The following TTYH2 variants were observed in gnomAD, a reference collection of about 807,000 sequenced individuals.
The protein encoded by TTYH2 is tweety family member 2, also known as protein tweety homolog 2.
In TTYH2, 49 loss-of-function variants were observed where a neutral mutation model predicts 68.3. The ratio of observed to expected loss-of-function variants is 0.72; its 90% confidence interval spans 0.57 to 0.91. The LOEUF (loss-of-function observed/expected upper bound fraction) is 0.91. TTYH2 is among the 40% of genes least tolerant of loss of function. TTYH2 has a pLI of 0.00. For missense variants in TTYH2, 631 were observed against 700.4 expected (o/e 0.90, Z 1.12); for synonymous variants, 272 against 300.8 (o/e 0.90, Z 0.99).
Position 74,250,371 on chromosome 17 carries a change from C to G in TTYH2, c.1116+14C>G, listed in dbSNP as rs1200088683. ...GGGCTGCACAAGGTGCATGGGGACC[C>G]TGGGGTCACGTGGAGAGTGTGAGGG... On this transcript the variant is annotated intron_variant, in intron 10 of 13. Transcript: ENST00000269346. 2 of 1,609,494 alleles carry G rather than the reference C, an allele frequency of 1.2e-6. No homozygotes were observed. Among genetic ancestry groups the G allele is most frequent in the South Asian group, 2.2e-5 (2 of 90,410 alleles).
At position 74,250,373 on chromosome 17, in the gene TTYH2, G is replaced by A. The variant is rs764690950; in HGVS notation, c.1116+16G>A. On this transcript the variant is annotated intron_variant, in intron 10 of 13. Transcript: ENST00000269346. ...GCTGCACAAGGTGCATGGGGACCCTGGGGTCACGTGGAGAGTGTGAGGGCA... is the reference window on the plus strand; with the variant it reads ...GCTGCACAAGGTGCATGGGGACCCTAGGGTCACGTGGAGAGTGTGAGGGCA... The A allele has an allele frequency of 9.3e-6, 15 of 1,607,450 alleles. No homozygotes were observed. The Admixed American group carries it at 2.0e-4, about 22-fold the overall frequency.
At chr17:74,255,051 G>C (rs2050679346) in intron 13 of TTYH2, among the ~76,000 whole-genome samples, 1 of 152,230 alleles carries the variant, frequency 6.6e-6, no homozygotes, top group Non-Finnish European at 1.5e-5. Flanking sequence ...GAGAAGGAAA[G>C]ACTATGCTGT....
At chr17:74,247,389 C>A (rs1411613534) in intron 6 of TTYH2, among the ~76,000 whole-genome samples, 1 of 152,124 alleles carries the variant, frequency 6.6e-6, no homozygotes, top group Non-Finnish European at 1.5e-5. Context: ...CACACAGGTG[C>A]TTGTCTTCAT....
chr17:74,219,867 C>T (rs115995482), intron 1 of TTYH2, among the ~76,000 whole-genome samples: 1,554 of 151,962 alleles, frequency 0.01, 26 homozygotes, highest in African/African-American at 0.035. Context: ...TGTGAAGCTG[C>T]TGTGAACATT....
At chr17:74,236,990 G>A (rs1052461891) in intron 3 of TTYH2, among the ~76,000 whole-genome samples, 5 of 150,742 alleles carry the variant, frequency 3.3e-5, no homozygotes, top group South Asian at 2.1e-4. Context: ...TCCGCCTCCC[G>A]GGTCCAAGTG....
intron 10 of TTYH2, among the ~76,000 whole-genome samples, chr17:74,251,303 A>C (rs2050624506): frequency 7.5e-6 from 1 of 132,938 alleles, no homozygotes; most frequent in African/African-American, 2.9e-5. Context: ...GTGTGTGTGC[A>C]TGTGTGTTGT....
Position 74,237,494 on chromosome 17 carries a change from T to C in TTYH2, c.615T>C (p.Thr205=). Residue 205 remains threonine (T), a synonymous_variant, in exon 4 of 14, where the codon ACT becomes ACC. Transcript: ENST00000269346. ...TMELTKLSDQ[T]GYVEYYRWLS... ...AGCTGACCAAGCTATCCGACCAGAC[T>C]GGCTACGTGGAGTACTACAGGTGAA... The C allele has an allele frequency of 6.2e-7, 1 of 1,612,644 alleles. No homozygotes were observed. Among genetic ancestry groups the C allele is most frequent in the Middle Eastern group, 1.7e-4 (1 of 6,052 alleles).
chr17:74,232,671 C>T lies in TTYH2; in HGVS notation c.414+1672C>T, dbSNP rs1169188815. 1.3e-5 allele frequency among the ~76,000 whole-genome samples: 2 copies of T among 152,194 alleles called. No homozygotes were observed. Among genetic ancestry groups the T allele is most frequent in the African/African-American group, 2.4e-5 (1 of 41,456 alleles). On this transcript the variant is annotated intron_variant, in intron 3 of 13. Transcript: ENST00000269346. The surrounding 1 kb of genome is among the most constrained non-coding windows in gnomAD (Gnocchi z 5.1). ...CCCTCCCTGCCATCCTGCTGCCTGCCTCCTCTTCACCCACCAGCACCAGGA... is the reference window on the plus strand; with the variant it reads ...CCCTCCCTGCCATCCTGCTGCCTGCTTCCTCTTCACCCACCAGCACCAGGA...
At position 74,232,739 on chromosome 17, in the gene TTYH2, C is replaced by T. The variant is rs548164373; in HGVS notation, c.414+1740C>T. ...TAGCCCCGAGAGGAAAATCCCCTGC[C>T]CTGCCCAGGAAGGCACCAGGGCCAT... On this transcript the variant is annotated intron_variant, in intron 3 of 13. Transcript: ENST00000269346. The surrounding 1 kb of genome is among the most constrained non-coding windows in gnomAD (Gnocchi z 5.1). Among the ~76,000 whole-genome samples, 3 of 152,200 alleles carry T rather than the reference C, an allele frequency of 2.0e-5. No homozygotes were observed. In the South Asian group the frequency reaches 6.2e-4, roughly 32 times the overall value.
Position 74,261,821 on chromosome 17 carries a change from C to A in TTYH2, c.*1612C>A, listed in dbSNP as rs911820447. 6.6e-6 allele frequency: 1 copy of A among 152,274 alleles called. No homozygotes were observed. Among genetic ancestry groups the A allele is most frequent in the Non-Finnish European group, 1.5e-5 (1 of 68,024 alleles). 9.4% of individuals were successfully genotyped at this position (152,274 alleles called of 1,614,324 possible). On this transcript the variant is annotated 3_prime_UTR_variant, in exon 14 of 14. Transcript: ENST00000269346. ...ATGCCATAAACTCACTTTGGTATAT[C>A]CGCGTCACATGCAGAGAGGAACTCT...
At chr17:74,253,973 G>T in intron 13 of TTYH2, 140 bp downstream of exon 13, 1 of 820,884 alleles carries the variant, frequency 1.2e-6, no homozygotes. Context: ...AGACCGTCGT[G>T]GGTATCCCAG....
intron 2 of TTYH2, among the ~76,000 whole-genome samples, chr17:74,229,065 AG>A (rs1385920885): frequency 6.6e-6 from 1 of 152,172 alleles, no homozygotes; most frequent in East Asian, 1.9e-4. Context: ...TTAAGGAGGC[AG>A]GTGTCAGCTC....
At position 74,215,170 on chromosome 17, in the gene TTYH2, C is replaced by CGTGTGTGT. The variant is rs5822029; in HGVS notation, c.129+1481_129+1488dup. On this transcript the variant is annotated intron_variant, in intron 1 of 13. Transcript: ENST00000269346. This position sits in a 1 kb window ranked among gnomAD's most constrained non-coding sequence, Gnocchi z 4.3. ...AGGCGGATATGATTTCAGAAACAGC[C>CGTGTGTGT]GTGTGTGTGTGTGTGTGTGTGTGTG... Among the ~76,000 whole-genome samples, 3,212 of 147,450 alleles carry CGTGTGTGT rather than the reference C, an allele frequency of 0.022. 106 individuals carry two copies. The highest frequency in any genetic ancestry group is 0.07 in the African/African-American group (2,783 of 39,880).
chr17:74,215,824 T>G lies in TTYH2; in HGVS notation c.129+2108T>G. 1.8e-6 allele frequency: 2 copies of G among 1,101,034 alleles called. No individual in the cohort carries two copies. The highest frequency in any genetic ancestry group is 4.1e-5 in the Admixed American group (2 of 48,574). 68.2% of individuals were successfully genotyped at this position (1,101,034 alleles called of 1,614,324 possible). On this transcript the variant is annotated intron_variant, in intron 1 of 13. Transcript: ENST00000269346. The surrounding 1 kb of genome is among the most constrained non-coding windows in gnomAD (Gnocchi z 4.3). ...TCGGTCATCCCAGTCTTCAGCAAGC[T>G]TGACTGGAGCAAGTGCTATGCCAGG...
intron 6 of TTYH2, 117 bp downstream of exon 6, chr17:74,244,166 C>T: frequency 9.9e-7 from 1 of 1,013,910 alleles, no homozygotes; most frequent in Non-Finnish European, 1.5e-6. Context: ...CCCAGAATCT[C>T]AGAACCAAAG....
Position 74,244,067 on chromosome 17 carries a change from G to GT in TTYH2, c.804+19dup, listed in dbSNP as rs1250221928. ...CGGCAGTGGTGAGTTGGGGGAGGGAGTGGGTGGTGGGTGGTGGTTGGTCTG... is the reference window on the plus strand; with the variant it reads ...CGGCAGTGGTGAGTTGGGGGAGGGAGTTGGGTGGTGGGTGGTGGTTGGTCTG... On this transcript the variant is annotated intron_variant, in intron 6 of 13. Coordinates refer to ENST00000269346, the MANE Select transcript of TTYH2 (RefSeq NM_032646.6). The GT allele has an allele frequency of 5.0e-6, 8 of 1,605,486 alleles. No homozygotes were observed. Among genetic ancestry groups the GT allele is most frequent in the Non-Finnish European group, 6.8e-6 (8 of 1,177,256 alleles).
intron 3 of TTYH2, among the ~76,000 whole-genome samples, chr17:74,234,459 G>T (rs1193412264): frequency 2.0e-5 from 3 of 152,202 alleles, no homozygotes; most frequent in Non-Finnish European, 4.4e-5. Context: ...GAGAAGTGGG[G>T]AGTTGTAAGT....
chr17:74,214,530 C>T lies in TTYH2; in HGVS notation c.129+814C>T, dbSNP rs907827452. ...CTAGGGCAGTCACTCCCGGCTTCCC[C>T]GCCCTTTCCCTACTCTGCTGACCCT... On this transcript the variant is annotated intron_variant, in intron 1 of 13. Transcript: ENST00000269346. This position sits in a 1 kb window ranked among gnomAD's most constrained non-coding sequence, Gnocchi z 4.6. 6.6e-6 allele frequency among the ~76,000 whole-genome samples: 1 copy of T among 152,180 alleles called. No individual in the cohort carries two copies. The highest frequency in any genetic ancestry group is 2.4e-5 in the African/African-American group (1 of 41,440).
intron 6 of TTYH2, chr17:74,248,379 C>A: frequency 1.0e-6 from 1 of 986,794 alleles, no homozygotes; most frequent in Non-Finnish European, 1.2e-6. Flanking sequence ...TTAGCCAGGC[C>A]GTGCTGTGGG....
Sources: gnomAD v4.1 joint callset for allele counts (sites outside exome capture counted in the v4.1 genomes callset) on GRCh38, gnomAD v4.1.1 for gene constraint, Gnocchi (gnomAD v3.1) non-coding constraint, MANE v1.5 for transcripts, NCBI Gene and HGNC (gene_info 2026-07-23, HGNC 2026-07-21) for gene names.